The following SUGCT variants were observed in gnomAD, a reference collection of about 807,000 sequenced individuals.
The protein encoded by SUGCT is succinyl-CoA:glutarate-CoA transferase.
SUGCT carries 41 observed loss-of-function variants against 55.0 expected under a neutral mutation model. That is an observed-to-expected ratio of 0.74 (90% CI 0.58 to 0.97). The LOEUF is 0.97. Among genes scored for constraint, SUGCT ranks in the 50% least tolerant of loss-of-function variants. The pLI, the probability that SUGCT is intolerant of heterozygous loss-of-function variation, is 0.00. For missense variants in SUGCT, 568 were observed against 547.8 expected (o/e 1.04, Z -0.37); for synonymous variants, 187 against 200.4 (o/e 0.93, Z 0.56).
chr7:40,488,114 T>C (rs1791484021), intron 11 of SUGCT, among the ~76,000 whole-genome samples: 1 of 151,180 alleles, frequency 6.6e-6, no homozygotes, highest in Non-Finnish European at 1.5e-5. Flanking sequence ...GTTTTGTAGT[T>C]GTTTTGTAGA....
At chr7:40,602,548 C>G (rs540287421) in intron 12 of SUGCT, among the ~76,000 whole-genome samples, 1 of 152,182 alleles carries the variant, frequency 6.6e-6, no homozygotes, top group East Asian at 1.9e-4. Context: ...TTGTGACTGC[C>G]CTCAGTATTC....
the SUGCT span, among the ~76,000 whole-genome samples, chr7:40,949,743 T>C: frequency 6.6e-6 from 1 of 152,232 alleles, no homozygotes; most frequent in Non-Finnish European, 1.5e-5. Context: ...TTTGTCAGGT[T>C]TGTCAAAGAT....
chr7:40,917,158 C>T, the SUGCT span, among the ~76,000 whole-genome samples: 7 of 152,218 alleles, frequency 4.6e-5, no homozygotes, highest in African/African-American at 1.7e-4. Flanking sequence ...ATTAGCTCCC[C>T]ATGGGGGAAG....
chr7:40,380,991 G>C (rs1784840255), intron 9 of SUGCT, among the ~76,000 whole-genome samples: 1 of 152,106 alleles, frequency 6.6e-6, no homozygotes, highest in Non-Finnish European at 1.5e-5. Flanking sequence ...GCTAGTTTCT[G>C]TCTGTGACCA....
intron 6 of SUGCT, among the ~76,000 whole-genome samples, chr7:40,202,097 C>G (rs1287900783): frequency 6.6e-6 from 1 of 152,108 alleles, no homozygotes; most frequent in South Asian, 2.1e-4. Flanking sequence ...CTCAGCCTCT[C>G]GAGAAGCTGG....
At chr7:40,647,326 T>A (rs1800569980) in intron 12 of SUGCT, among the ~76,000 whole-genome samples, 1 of 152,222 alleles carries the variant, frequency 6.6e-6, no homozygotes, top group African/African-American at 2.4e-5. Flanking sequence ...ATTGAAGTCA[T>A]CATACTGCAT....
intron 1 of SUGCT, among the ~76,000 whole-genome samples, chr7:40,147,593 C>T (rs115832319): frequency 0.037 from 5,652 of 152,332 alleles, 336 homozygotes; most frequent in African/African-American, 0.13. Flanking sequence ...TGCGGCTTCT[C>T]CTTCCTTGGT....
intron 9 of SUGCT, among the ~76,000 whole-genome samples, chr7:40,412,754 C>T (rs1786765315): frequency 6.6e-6 from 1 of 151,936 alleles, no homozygotes; most frequent in Non-Finnish European, 1.5e-5. Context: ...AGGCATTCTT[C>T]TCTCCTTACT....
the SUGCT span, among the ~76,000 whole-genome samples, chr7:40,942,814 C>G: frequency 6.6e-5 from 10 of 151,888 alleles, no homozygotes; most frequent in Non-Finnish European, 1.5e-5. Flanking sequence ...TGTCTTCAAG[C>G]TCTGAAATTC....
intron 12 of SUGCT, among the ~76,000 whole-genome samples, chr7:40,593,000 G>C (rs1474605029): frequency 1.3e-5 from 2 of 152,214 alleles, no homozygotes; most frequent in Admixed American, 1.3e-4. Flanking sequence ...GTAAGTGCCA[G>C]GTGATCGAAC....
chr7:40,616,460 G>T (rs1205711854), intron 12 of SUGCT, among the ~76,000 whole-genome samples: 2 of 152,148 alleles, frequency 1.3e-5, no homozygotes, highest in African/African-American at 4.8e-5. Context: ...GGGATTACAG[G>T]CATGAGCCAC....
intron 9 of SUGCT, among the ~76,000 whole-genome samples, chr7:40,412,766 T>C (rs570456827): frequency 1.3e-5 from 2 of 152,294 alleles, no homozygotes; most frequent in East Asian, 3.9e-4. Flanking sequence ...CTCCTTACTT[T>C]GTTTTAATGG....
At chr7:40,326,543 A>G (rs1437617790) in intron 9 of SUGCT, among the ~76,000 whole-genome samples, 1 of 152,166 alleles carries the variant, frequency 6.6e-6, no homozygotes, top group Non-Finnish European at 1.5e-5. Flanking sequence ...TTTAGAGAAG[A>G]AAAGAGGGCA....
At chr7:40,855,662 C>CT (rs1794134105) in intron 13 of SUGCT, among the ~76,000 whole-genome samples, 1 of 151,984 alleles carries the variant, frequency 6.6e-6, no homozygotes, top group Non-Finnish European at 1.5e-5. Context: ...ATTGATTTTT[C>CT]TTTGTTGTTG....
At chr7:40,907,346 G>A in the SUGCT span, among the ~76,000 whole-genome samples, 1 of 152,196 alleles carries the variant, frequency 6.6e-6, no homozygotes, top group Non-Finnish European at 1.5e-5. Flanking sequence ...GGGGTGGTGT[G>A]TAATCTAGTT....
At chr7:41,008,851 C>T in the SUGCT span, among the ~76,000 whole-genome samples, 5 of 152,032 alleles carry the variant, frequency 3.3e-5, no homozygotes, top group South Asian at 1.0e-3. Flanking sequence ...GTGTGTCCCT[C>T]CTGCTGCCTC....
Position 40,468,396 on chromosome 7 carries a change from C to T in SUGCT, c.986+9198C>T, listed in dbSNP as rs141520178. ...GTGTCACCTTCCTTGGCCTTTCCCC[C>T]TTTCCTAAATCCTCAATTTTATTCC... On this transcript the variant is annotated intron_variant, in intron 11 of 13. Coordinates refer to ENST00000335693, the MANE Select transcript of SUGCT (RefSeq NM_001193313.2). Among the ~76,000 whole-genome samples, 176 of 152,182 alleles carry T rather than the reference C, an allele frequency of 1.2e-3. 3 individuals are homozygous for T. The East Asian group carries it at 0.03, about 26-fold the overall frequency.
intron 3 of SUGCT, among the ~76,000 whole-genome samples, chr7:40,187,640 T>C (rs1295719759): frequency 6.6e-6 from 1 of 152,140 alleles, no homozygotes; most frequent in African/African-American, 2.4e-5. Flanking sequence ...AGTGCAAATA[T>C]CTAAAATAAA....
intron 12 of SUGCT, among the ~76,000 whole-genome samples, chr7:40,503,375 C>T (rs557532177): frequency 2.0e-4 from 31 of 151,622 alleles, no homozygotes; most frequent in Non-Finnish European, 3.5e-4. Context: ...AACATGTGGA[C>T]GAGAATAGCA....
Sources: gnomAD v4.1 joint callset for allele counts (sites outside exome capture counted in the v4.1 genomes callset) on GRCh38, gnomAD v4.1.1 for gene constraint, MANE v1.5 for transcripts, NCBI Gene and HGNC (gene_info 2026-07-23, HGNC 2026-07-21) for gene names.